Variants in LRRK2 observed in about 807,000 individuals in gnomAD.
The protein encoded by LRRK2 is leucine rich repeat kinase 2.
LRRK2 carries 203 observed loss-of-function variants against 302.6 expected under a neutral mutation model. That is an observed-to-expected ratio of 0.67 (90% CI 0.60 to 0.75). LRRK2 has a LOEUF of 0.75. Among genes scored for constraint, LRRK2 ranks in the 30% least tolerant of loss-of-function variants. The probability of loss-of-function intolerance (pLI) is 0.00; values close to 1 mark genes in which losing one functional copy is unlikely to be tolerated. For synonymous variants in LRRK2, 1,066 were observed against 1,031.9 expected, an observed-to-expected ratio of 1.03 and a Z score of -0.63; for missense variants, 2,830 against 2,951.0, an observed-to-expected ratio of 0.96 and a Z score of 0.95.
rs199884759 is a variant in LRRK2 at position 40,303,968 on chromosome 12, G to A, written c.3611G>A (p.Ser1204Asn). The A allele has an allele frequency of 1.5e-5, 25 of 1,613,512 alleles. No homozygotes were observed. Among genetic ancestry groups the A allele is most frequent in the African/African-American group, 4.0e-5 (3 of 74,874 alleles). The change falls in exon 27 of 51, where the codon AGC becomes AAC. Residue 1204 changes from serine (S) to asparagine (N), a missense_variant. Physicochemically the swap from Ser to Asn is conservative, Grantham distance 46 (BLOSUM62 1). Coordinates refer to ENST00000298910, the MANE Select transcript of LRRK2 (RefSeq NM_198578.4). ...TTTAGCTTGCGGTCTTTAGATATGAGCAGCAATGATATTCAGTACCTACCA... is the reference window on the plus strand; with the variant it reads ...TTTAGCTTGCGGTCTTTAGATATGAACAGCAATGATATTCAGTACCTACCA... ...NLPHLRSLDM[S>N]SNDIQYLPGP...
intron 16 of LRRK2, among the ~76,000 whole-genome samples, chr12:40,277,218 A>G (rs1024492820): frequency 6.6e-6 from 1 of 152,218 alleles, no homozygotes; most frequent in African/African-American, 2.4e-5. Context: ...TACTAAAGTC[A>G]AAAGCCCAAT....
At chr12:40,323,729 C>T (rs1019115413) in intron 38 of LRRK2, among the ~76,000 whole-genome samples, 1 of 151,526 alleles carries the variant, frequency 6.6e-6, no homozygotes. Context: ...ATGCTGAATT[C>T]TCATAGAAAT....
intron 47 of LRRK2, among the ~76,000 whole-genome samples, chr12:40,360,536 G>A (rs1374161612): frequency 1.3e-5 from 2 of 152,028 alleles, no homozygotes; most frequent in Non-Finnish European, 2.9e-5. Flanking sequence ...AGAGCATCCA[G>A]TTCTCACCCT....
chr12:40,257,976 T>G (rs1201501694), intron 12 of LRRK2, among the ~76,000 whole-genome samples: 1 of 152,034 alleles, frequency 6.6e-6, no homozygotes, highest in Non-Finnish European at 1.5e-5. Context: ...AACTCTCATG[T>G]GTAAAAAAAA....
chr12:40,288,180 A>G (rs1220945955), intron 20 of LRRK2, among the ~76,000 whole-genome samples: 1 of 151,802 alleles, frequency 6.6e-6, no homozygotes, highest in Non-Finnish European at 1.5e-5. Context: ...TTGAGAGGGC[A>G]AAAAATGAGA....
At chr12:40,311,213 AGT>A (rs1945025337) in intron 31 of LRRK2, among the ~76,000 whole-genome samples, 2 of 152,140 alleles carry the variant, frequency 1.3e-5, no homozygotes, top group Admixed American at 1.3e-4. Context: ...GGTTTTCAGC[AGT>A]GTCTCACTAA....
chr12:40,274,868 G>A lies in LRRK2; in HGVS notation c.1816G>A (p.Gly606Ser), dbSNP rs771509275. 1.9e-6 allele frequency: 3 copies of A among 1,611,270 alleles called. No homozygotes were observed. The South Asian group carries it at 3.3e-5, about 18-fold the overall frequency. Residue 606 changes from glycine to serine, a missense_variant, in exon 16 of 51, where the codon GGT becomes AGT. Transcript: ENST00000298910. ...YPDDQEIQCL[G>S]LSLIGYLITK... ...TATTTTCCTAGAAATTCAGTGTCTG[G>A]GTTTAAGTCTTATAGGATACTTGAT...
chr12:40,272,021 C>T (rs1012054724), intron 14 of LRRK2, among the ~76,000 whole-genome samples: 5 of 152,008 alleles, frequency 3.3e-5, no homozygotes, highest in African/African-American at 1.2e-4. Flanking sequence ...AAAAATAAGC[C>T]TATGATGCTC....
chr12:40,346,885 A>T lies in LRRK2; in HGVS notation c.6242A>T (p.Asn2081Ile), dbSNP rs200754183. The T allele has an allele frequency of 1.5e-5, 24 of 1,612,678 alleles. No individual in the cohort carries two copies. The highest frequency in any genetic ancestry group is 3.3e-5 in the Admixed American group (2 of 59,778). ...ATAGTAGAGGGTTTGAAGTTTCCAAATGAGTTTGATGAATTAGAAATACAA... is the reference window on the plus strand; with the variant it reads ...ATAGTAGAGGGTTTGAAGTTTCCAATTGAGTTTGATGAATTAGAAATACAA... ...GRIVEGLKFPNEFDELEIQGK... is the reference protein window; with the variant it reads ...GRIVEGLKFPIEFDELEIQGK... Residue 2081 changes from asparagine (N) to isoleucine (I), a missense_variant, in exon 42 of 51, where the codon AAT becomes ATT. By Grantham distance (149) the Asn-to-Ile change is moderately radical (BLOSUM62 -3). Transcript: ENST00000298910.
chr12:40,311,214 G>A (rs1945025231), intron 31 of LRRK2, among the ~76,000 whole-genome samples: 1 of 152,052 alleles, frequency 6.6e-6, no homozygotes, highest in African/African-American at 2.4e-5. Context: ...GTTTTCAGCA[G>A]TGTCTCACTA....
At chr12:40,350,623 TTAAG>T (rs1308099212) in intron 43 of LRRK2, among the ~76,000 whole-genome samples, 2 of 152,186 alleles carry the variant, frequency 1.3e-5, no homozygotes, top group South Asian at 2.1e-4. Flanking sequence ...AGTTTTAACT[TTAAG>T]TATTCTGATC....
intron 47 of LRRK2, among the ~76,000 whole-genome samples, chr12:40,363,185 T>C (rs1333449693): frequency 6.6e-6 from 1 of 152,058 alleles, no homozygotes; most frequent in East Asian, 1.9e-4. Context: ...TCACAAGAAA[T>C]TAATATAAAG....
Position 40,274,711 on chromosome 12 carries a change from G to A in LRRK2, c.1785G>A (p.Met595Ile). The A allele has an allele frequency of 1.2e-6, 2 of 1,614,070 alleles. No homozygotes were observed. Among genetic ancestry groups the A allele is most frequent in the South Asian group, 1.1e-5 (1 of 91,084 alleles). ...AMDSVLHTLQ[M>I]YPDDQEIQCL... ...ATTCAGTGCTTCACACACTGCAGATGTATCCAGATGACCAAGGTCAGTACA... is the reference window on the plus strand; with the variant it reads ...ATTCAGTGCTTCACACACTGCAGATATATCCAGATGACCAAGGTCAGTACA... The change falls in exon 15 of 51, where the codon ATG (methionine) becomes ATA (isoleucine). Residue 595 changes from methionine (M) to isoleucine (I), a missense_variant. Around this residue, in one of 3 missense-constraint regions of LRRK2, gnomAD observed 2,121 missense variants for 2,148.0 expected, o/e 0.99. Coordinates refer to ENST00000298910, the MANE Select transcript of LRRK2 (RefSeq NM_198578.4).
chr12:40,321,961 A>G, intron 35 of LRRK2, 74 bp from the exon 36 acceptor site: 1 of 1,425,688 alleles, frequency 7.0e-7, no homozygotes, highest in African/African-American at 1.4e-5. Context: ...TATTACAATC[A>G]CTTGTGTTGT....
At chr12:40,298,809 TTATAA>T (rs1247660563) in intron 24 of LRRK2, among the ~76,000 whole-genome samples, 4 of 76,524 alleles carry the variant, frequency 5.2e-5, no homozygotes, top group African/African-American at 1.9e-4. Context: ...AATATATGTA[TTATAA>T]TATATAATAC....
At chr12:40,229,410 T>G (rs1290038082) in intron 2 of LRRK2, among the ~76,000 whole-genome samples, 2 of 152,144 alleles carry the variant, frequency 1.3e-5, no homozygotes, top group African/African-American at 4.8e-5. Context: ...TTTCAAAGTT[T>G]GTTTCATATT....
Position 40,295,509 on chromosome 12 carries a change from A to G in LRRK2, c.2961A>G (p.Leu987=). 1.2e-6 allele frequency: 2 copies of G among 1,613,966 alleles called. No homozygotes were observed. Among genetic ancestry groups the G allele is most frequent in the Non-Finnish European group, 1.7e-6 (2 of 1,179,982 alleles). ...CTGAGAGAGAATATATTACATCACT[A>G]GACCTTTCAGCAAATGAACTAAGAG... The part of the protein sequence containing the change: ...LASEREYITS[L]DLSANELRDI... Residue 987 remains leucine (L), a synonymous_variant, in exon 23 of 51, where the codon CTA becomes CTG. Transcript: ENST00000298910.
Position 40,323,981 on chromosome 12 carries a change from T to TG in LRRK2, c.5656+676dup, listed in dbSNP as rs1048647588. On this transcript the variant is annotated intron_variant, in intron 38 of 50. Coordinates refer to ENST00000298910, the MANE Select transcript of LRRK2 (RefSeq NM_198578.4). ...TATTCTCATTTGTATCTTGACTTCC[T>TG]GCACATGGATTTTTGGGCCTAAAAG... Among the ~76,000 whole-genome samples, 40 of 152,178 alleles carry TG rather than the reference T, an allele frequency of 2.6e-4. 1 individual carries two copies. The highest frequency in any genetic ancestry group is 1.0e-4 in the Non-Finnish European group (7 of 67,996).
chr12:40,336,022 C>G (rs964584379), intron 40 of LRRK2, among the ~76,000 whole-genome samples: 1 of 152,190 alleles, frequency 6.6e-6, no homozygotes, highest in African/African-American at 2.4e-5. Flanking sequence ...CTACTGGTCC[C>G]CTGCTTCTAC....
Sources: allele counts gnomAD v4.1 joint callset (sites outside exome capture counted in the v4.1 genomes callset), GRCh38; gene constraint gnomAD v4.1.1; regional missense constraint gnomAD v4.1.1; transcripts MANE v1.5; gene names NCBI Gene and HGNC (gene_info 2026-07-23, HGNC 2026-07-21).